Variants in SH3BP2 observed in about 807,000 individuals in gnomAD.
SH3BP2 encodes SH3 domain-binding protein 2.
A neutral mutation model predicts 56.2 loss-of-function variants in SH3BP2; 38 were observed. The ratio of observed to expected loss-of-function variants is 0.68; its 90% CI spans 0.52 to 0.89. The LOEUF (loss-of-function observed/expected upper bound fraction) is 0.89. Ranked by LOEUF, SH3BP2 falls within the 40% of genes least tolerant of loss-of-function variation. The probability of loss-of-function intolerance (pLI) is 0.00; values close to 1 mark genes in which losing one functional copy is unlikely to be tolerated. For missense variants in SH3BP2, 748 were observed against 762.6 expected (o/e 0.98, Z 0.23); for synonymous variants, 346 against 316.7 (o/e 1.09, Z -0.98).
In SH3BP2 at chr4:2,835,728, G is replaced by C. The variant is rs998111804; in HGVS notation, c.*1894G>C. Reference sequence around the variant, plus strand: ...CCACCTCCGCCTCTCTAGTTCAAGCGATTTTCCTGCCTCAGCCTCCCGAGT... The same window carrying C: ...CCACCTCCGCCTCTCTAGTTCAAGCCATTTTCCTGCCTCAGCCTCCCGAGT... On this transcript the variant is annotated 3_prime_UTR_variant, in exon 13 of 13. Transcript: ENST00000503393. The C allele has an allele frequency of 6.6e-6, 1 of 152,194 alleles. No homozygotes were observed. Among genetic ancestry groups the C allele is most frequent in the Non-Finnish European group, 1.5e-5 (1 of 68,070 alleles). The allele number at this position is 152,194 out of a possible 1,614,324, so 9.4% of individuals were successfully genotyped here. A position where few individuals can be genotyped will look rare whatever the true frequency, so the allele number is the denominator to read the frequency against.
intron 1 of SH3BP2, 120 bp downstream of exon 1, chr4:2,793,258 C>G (rs1379887967): frequency 1.5e-5 from 2 of 131,154 alleles, no homozygotes; most frequent in Admixed American, 1.5e-4. Context: ...TCTCGGGGGT[C>G]TCGGGGGAGT....
chr4:2,794,484 G>A (rs1218967400), intron 1 of SH3BP2, among the ~76,000 whole-genome samples: 2 of 152,254 alleles, frequency 1.3e-5, no homozygotes, highest in African/African-American at 2.4e-5. Context: ...CCTGGGACGA[G>A]GGCTGCAAGG....
At position 2,810,722 on chromosome 4, in the gene SH3BP2, G is replaced by T. The variant is rs2108711623; in HGVS notation, c.-4-9892G>T. On this transcript the variant is annotated intron_variant, in intron 1 of 12. Transcript: ENST00000503393. The surrounding 1 kb of genome is among the most constrained non-coding windows in gnomAD (Gnocchi z 4.2). The stretch of plus-strand genomic sequence containing the variant: ...TCTATCAAAGCTGGGCCCCTCCTCT[G>T]GGAGGCGTTCCCCAGTCCAGAACCC... Among the ~76,000 whole-genome samples the T allele has an allele frequency of 6.6e-6, 1 of 152,178 alleles. No homozygotes were observed. The highest frequency in any genetic ancestry group is 2.4e-5 in the African/African-American group (1 of 41,540).
chr4:2,823,769 C>G (rs1724441005), intron 3 of SH3BP2, among the ~76,000 whole-genome samples: 1 of 152,258 alleles, frequency 6.6e-6, no homozygotes, highest in Admixed American at 6.5e-5. Context: ...TATGAGGAAC[C>G]AAGGGTCACA....
intron 1 of SH3BP2, chr4:2,818,276 CCCGGGACGAGGCGGCGGCGG>C (rs1666138766): frequency 9.8e-7 from 1 of 1,022,616 alleles, no homozygotes; most frequent in Non-Finnish European, 1.2e-6. Flanking sequence ...GAGGCGGGCG[CCCGGGACGAGGCGGCGGCGG>C]CCGGGGGACG....
At chr4:2,818,857 G>A (rs1387292679) in intron 1 of SH3BP2, 1 of 985,770 alleles carries the variant, frequency 1.0e-6, no homozygotes, top group Non-Finnish European at 1.2e-6. Flanking sequence ...ACAGCCTGAT[G>A]CCTTGAAGAC....
intron 1 of SH3BP2, among the ~76,000 whole-genome samples, chr4:2,803,199 T>C (rs550013066): frequency 6.6e-6 from 1 of 152,270 alleles, no homozygotes; most frequent in African/African-American, 2.4e-5. Flanking sequence ...CACAGCTGCC[T>C]ACACAGGGTG....
At chr4:2,802,673 G>GTGTA (rs1553802122) in intron 1 of SH3BP2, among the ~76,000 whole-genome samples, 2 of 135,426 alleles carry the variant, frequency 1.5e-5, no homozygotes, top group African/African-American at 6.3e-5. Context: ...GTGTGTGTGT[G>GTGTA]TATATATATA....
At chr4:2,823,642 C>T (rs1376018596) in intron 3 of SH3BP2, 1 of 404,706 alleles carries the variant, frequency 2.5e-6, no homozygotes, top group African/African-American at 2.1e-5. Context: ...GGGGCCCACA[C>T]AAAGGGTTAA....
chr4:2,831,473 C>T lies in SH3BP2; in HGVS notation c.1242-98C>T, dbSNP rs41264717. 37,254 of 897,402 alleles carry T rather than the reference C, an allele frequency of 0.042. 943 individuals carry two copies. The highest frequency in any genetic ancestry group is 0.051 in the Non-Finnish European group (28,212 of 551,380). The allele number at this position is 897,402 out of a possible 1,614,324, so 55.6% of individuals were successfully genotyped here. On this transcript the variant is annotated intron_variant, in intron 8 of 12. Transcript: ENST00000503393. The surrounding 1 kb of genome is among the most constrained non-coding windows in gnomAD (Gnocchi z 4.1). ...ACAGGGGCCATAGCAGGCAGCTTGC[C>T]GTCCTCACACAGAGGGTGGAGTGGG...
At chr4:2,802,076 C>G (rs1040702567) in intron 1 of SH3BP2, among the ~76,000 whole-genome samples, 3 of 151,988 alleles carry the variant, frequency 2.0e-5, no homozygotes, top group Non-Finnish European at 4.4e-5. Context: ...CCACTGCACT[C>G]CAGCCTGGGT....
intron 1 of SH3BP2, chr4:2,799,411 C>A: frequency 4.0e-6 from 2 of 504,628 alleles, no homozygotes; most frequent in Non-Finnish European, 5.1e-6. Flanking sequence ...AGGTTTGCTA[C>A]TTGGGGCAGG....
At chr4:2,833,231 C>A (rs933633250) in intron 12 of SH3BP2, 182 bp downstream of exon 12, 7 of 668,758 alleles carry the variant, frequency 1.0e-5, no homozygotes, top group African/African-American at 8.8e-5. Flanking sequence ...TCCCTCCTCT[C>A]GTGGCCTACC....
rs550977998 is a variant in SH3BP2, at chr4:2,816,398, C to T, written c.-4-4216C>T. Among the ~76,000 whole-genome samples, 12 of 152,358 alleles carry T rather than the reference C, an allele frequency of 7.9e-5. No homozygotes were observed. In the South Asian group the frequency reaches 1.2e-3, roughly 16 times the overall value. On this transcript the variant is annotated intron_variant, in intron 1 of 12. Coordinates refer to ENST00000503393, the MANE Select transcript of SH3BP2 (RefSeq NM_001122681.2). ...TTTTCTGTATGTAAAATAATCTAAT[C>T]AGTGAATAATTGTTCTTTCTTTCCA...
At chr4:2,823,991 C>T (rs1364768773) in intron 3 of SH3BP2, among the ~76,000 whole-genome samples, 1 of 152,234 alleles carries the variant, frequency 6.6e-6, no homozygotes, top group African/African-American at 2.4e-5. Context: ...CCAGCCATGC[C>T]ATGAACCCTG....
At chr4:2,815,661 G>T (rs1160405551) in intron 1 of SH3BP2, among the ~76,000 whole-genome samples, 1 of 152,230 alleles carries the variant, frequency 6.6e-6, no homozygotes, top group Non-Finnish European at 1.5e-5. Flanking sequence ...TATAGCTTTT[G>T]GGTGGCGGGG....
In SH3BP2 at chr4:2,831,982, A is replaced by G. The variant is rs1193209143; in HGVS notation, c.1406+4A>G. ...CGGAGTCCTGCGAAGTGGAAAGGTC[A>G]GCACAAAGCCCTGTGTGTGCTGGGT... On this transcript the variant is annotated splice_donor_region_variant and intron_variant, in intron 10 of 12. Coordinates refer to ENST00000503393, the MANE Select transcript of SH3BP2 (RefSeq NM_001122681.2). This position sits in a 1 kb window ranked among gnomAD's most constrained non-coding sequence, Gnocchi z 4.1. 1.2e-6 allele frequency: 2 copies of G among 1,612,946 alleles called. No individual in the cohort carries two copies. Among genetic ancestry groups the G allele is most frequent in the South Asian group, 1.1e-5 (1 of 91,072 alleles).
rs1360824759 is a variant in SH3BP2 at position 2,826,656 on chromosome 4, A to G, written c.429-574A>G. The G allele has an allele frequency of 2.2e-3, 589 of 266,144 alleles. 10 individuals are homozygous for G. Among genetic ancestry groups the G allele is most frequent in the African/African-American group, 0.018 (430 of 24,108 alleles). 16.5% of individuals were successfully genotyped at this position (266,144 alleles called of 1,614,324 possible). A position where few individuals can be genotyped will look rare whatever the true frequency, so the allele number is the denominator to read the frequency against. ...TTGCTCTGTGTGTGTGTGCATGTCC[A>G]CGTGTTGCTCTGTGTGTGTGCATGT... On this transcript the variant is annotated intron_variant, in intron 5 of 12. Coordinates refer to ENST00000503393, the MANE Select transcript of SH3BP2 (RefSeq NM_001122681.2).
intron 1 of SH3BP2, among the ~76,000 whole-genome samples, chr4:2,800,477 G>T (rs114264509): frequency 0.051 from 7,697 of 152,102 alleles, 250 homozygotes; most frequent in East Asian, 0.054. Context: ...CGGCGGGCTT[G>T]CTTACAGGCC....
Sources: gnomAD v4.1 joint callset for allele counts (sites outside exome capture counted in the v4.1 genomes callset) on GRCh38, gnomAD v4.1.1 for gene constraint, Gnocchi (gnomAD v3.1) non-coding constraint, MANE v1.5 for transcripts, NCBI Gene and HGNC (gene_info 2026-07-23, HGNC 2026-07-21) for gene names.